The following FHIT variants were observed in gnomAD, a reference collection of about 807,000 sequenced individuals.
The protein encoded by FHIT is bis(5'-adenosyl)-triphosphatase.
In FHIT, 19 loss-of-function variants were observed where a neutral mutation model predicts 17.9. That is an observed-to-expected ratio of 1.06 (90% CI 0.74 to 1.56). FHIT has a LOEUF of 1.56. Ranked by LOEUF, FHIT falls within the 40% of genes most tolerant of loss-of-function variation. FHIT has a pLI of 0.00. For synonymous variants in FHIT, 81 were observed against 69.7 expected, an observed-to-expected ratio of 1.16 and a Z score of -0.81; for missense variants, 248 against 189.2, an observed-to-expected ratio of 1.31 and a Z score of -1.82.
chr3:60,641,807 G>A (rs1306675726), intron 4 of FHIT, among the ~76,000 whole-genome samples: 1 of 152,120 alleles, frequency 6.6e-6, no homozygotes, highest in Non-Finnish European at 1.5e-5. Flanking sequence ...GGACACAGAT[G>A]TCATACTCCT....
At chr3:59,923,246 AAAAAAAT>A in intron 7 of FHIT, among the ~76,000 whole-genome samples, 1 of 143,278 alleles carries the variant, frequency 7.0e-6, no homozygotes, top group Admixed American at 7.0e-5. Flanking sequence ...AAAAAAAAAA[AAAAAAAT>A]CCCGTGAGGC....
At chr3:60,736,852 C>T (rs1166582420) in intron 4 of FHIT, among the ~76,000 whole-genome samples, 10 of 152,136 alleles carry the variant, frequency 6.6e-5, no homozygotes, top group Non-Finnish European at 1.2e-4. Flanking sequence ...TTCTGATTCT[C>T]ACAAATGACC....
chr3:60,935,904 G>C (rs959828493), intron 3 of FHIT, among the ~76,000 whole-genome samples: 11 of 152,322 alleles, frequency 7.2e-5, no homozygotes, highest in Non-Finnish European at 1.2e-4. Flanking sequence ...CCTGAGGACA[G>C]AGGCTGATGG....
At chr3:61,205,686 T>G (rs1317702868) in intron 1 of FHIT, among the ~76,000 whole-genome samples, 1 of 152,224 alleles carries the variant, frequency 6.6e-6, no homozygotes, top group Non-Finnish European at 1.5e-5. Context: ...TCTTGTAAAT[T>G]TATTTGAGTT....
intron 4 of FHIT, among the ~76,000 whole-genome samples, chr3:60,588,945 A>G (rs1298541845): frequency 6.6e-6 from 1 of 152,048 alleles, no homozygotes; most frequent in Non-Finnish European, 1.5e-5. Context: ...GGTCATAAAT[A>G]TGATGATGAC....
intron 4 of FHIT, among the ~76,000 whole-genome samples, chr3:60,799,497 GATGCCCTCTA>G (rs11282211): frequency 0.37 from 56,103 of 152,000 alleles, 12,424 homozygotes; most frequent in East Asian, 0.76. Context: ...TATAACATAT[GATGCCCTCTA>G]AAATCTTGTT....
At chr3:60,413,517 C>T (rs1702139442) in intron 5 of FHIT, among the ~76,000 whole-genome samples, 1 of 152,156 alleles carries the variant, frequency 6.6e-6, no homozygotes. Context: ...CCCTGATATA[C>T]CACATGTTCA....
intron 1 of FHIT, among the ~76,000 whole-genome samples, chr3:61,202,152 G>A (rs924480300): frequency 1.3e-5 from 2 of 152,108 alleles, no homozygotes; most frequent in Non-Finnish European, 2.9e-5. Flanking sequence ...TCTGGGAAGT[G>A]AGAAGCGCCT....
intron 3 of FHIT, among the ~76,000 whole-genome samples, chr3:60,868,992 G>A (rs1373821200): frequency 6.6e-6 from 1 of 152,040 alleles, no homozygotes; most frequent in Non-Finnish European, 1.5e-5. Flanking sequence ...CTGTAGTATA[G>A]CCTGGCTTCT....
At chr3:60,621,112 A>G (rs76180190) in intron 4 of FHIT, among the ~76,000 whole-genome samples, 195 of 148,360 alleles carry the variant, frequency 1.3e-3, no homozygotes, top group African/African-American at 4.6e-3. Flanking sequence ...TGCTCCTCAC[A>G]GTTTGGTATT....
At chr3:60,214,088 T>TA (rs765174518) in intron 5 of FHIT, among the ~76,000 whole-genome samples, 10 of 152,164 alleles carry the variant, frequency 6.6e-5, no homozygotes, top group Admixed American at 2.6e-4. Flanking sequence ...GCTAAGTAGA[T>TA]ACGATTCCAG....
rs202025546 is a variant in FHIT at position 59,752,243 on chromosome 3, G to T, written c.427C>A (p.Arg143=). Residue 143 remains arginine, a synonymous_variant, in exon 9 of 10, where the codon CGG becomes AGG. Transcript: ENST00000492590. ...EEMAAEAAAL[R]VYFQ ...TACCTGTGTCACTGAAAGTAGACCC[G>T]CAGAGCTGCGGCTTCTGCTGCCATT... The T allele has an allele frequency of 2.5e-6, 4 of 1,612,480 alleles. No individual in the cohort carries two copies. In the African/African-American group the frequency reaches 5.3e-5, roughly 22 times the overall value.
At chr3:61,062,959 T>A (rs1409383613) in intron 2 of FHIT, among the ~76,000 whole-genome samples, 2 of 152,088 alleles carry the variant, frequency 1.3e-5, no homozygotes, top group Non-Finnish European at 2.9e-5. Flanking sequence ...TAACACAGAC[T>A]CGTAGAGATG....
intron 5 of FHIT, among the ~76,000 whole-genome samples, chr3:60,327,383 T>C (rs1709748413): frequency 6.6e-6 from 1 of 152,336 alleles, no homozygotes; most frequent in African/African-American, 2.4e-5. Context: ...TTGCAAGCCA[T>C]ACAATCTCTG....
At chr3:61,160,123 G>A (rs2107088457) in intron 2 of FHIT, among the ~76,000 whole-genome samples, 1 of 152,208 alleles carries the variant, frequency 6.6e-6, no homozygotes, top group Non-Finnish European at 1.5e-5. Context: ...CTTCAAATGT[G>A]CTAATAATTT....
At chr3:60,169,567 A>G (rs1390337346) in intron 5 of FHIT, among the ~76,000 whole-genome samples, 2 of 152,236 alleles carry the variant, frequency 1.3e-5, no homozygotes, top group East Asian at 3.8e-4. Context: ...ACAGAAAACT[A>G]TTAAGGCCCT....
At chr3:59,814,622 C>A (rs1700529614) in intron 8 of FHIT, among the ~76,000 whole-genome samples, 1 of 152,148 alleles carries the variant, frequency 6.6e-6, no homozygotes, top group Non-Finnish European at 1.5e-5. Context: ...CCCTTGTCCC[C>A]ACATAGGTCC....
intron 5 of FHIT, among the ~76,000 whole-genome samples, chr3:60,131,544 T>C (rs893907650): frequency 4.6e-5 from 7 of 152,172 alleles, no homozygotes; most frequent in South Asian, 2.1e-4. Context: ...CTGTGTCCTT[T>C]ATAAAACAAT....
At chr3:60,018,915 G>A (rs1249981673) in intron 5 of FHIT, among the ~76,000 whole-genome samples, 2 of 152,168 alleles carry the variant, frequency 1.3e-5, no homozygotes, top group South Asian at 2.1e-4. Context: ...GGGAGGTGGA[G>A]GTTGCAGTGA....
Sources: gnomAD v4.1 joint callset for allele counts (sites outside exome capture counted in the v4.1 genomes callset) on GRCh38, gnomAD v4.1.1 for gene constraint, MANE v1.5 for transcripts, NCBI Gene and HGNC (gene_info 2026-07-23, HGNC 2026-07-21) for gene names.